The following XKR6 variants were observed in gnomAD, a reference collection of about 807,000 sequenced individuals.
XKR6 encodes XK related 6, also known as XK-related protein 6.
XKR6 carries 22 observed loss-of-function variants against 56.7 expected under a neutral mutation model. The ratio of observed to expected loss-of-function variants is 0.39; its 90% CI spans 0.28 to 0.55. The LOEUF is 0.55. Among genes scored for constraint, XKR6 ranks in the 20% least tolerant of loss-of-function variants. The probability of loss-of-function intolerance (pLI) is 0.66; values close to 1 mark genes in which losing one functional copy is unlikely to be tolerated. For missense variants in XKR6, 852 were observed against 889.0 expected (o/e 0.96, Z 0.53); for synonymous variants, 524 against 387.8 (o/e 1.35, Z -4.13).
intron 1 of XKR6, among the ~76,000 whole-genome samples, chr8:11,099,743 C>T (rs927602130): frequency 6.6e-6 from 1 of 152,312 alleles, no homozygotes; most frequent in African/African-American, 2.4e-5. Context: ...AAACAAAGCC[C>T]CTGCCCTCCC....
chr8:10,915,977 C>A (rs1379526840), intron 2 of XKR6, among the ~76,000 whole-genome samples: 1 of 152,238 alleles, frequency 6.6e-6, no homozygotes, highest in Non-Finnish European at 1.5e-5. Context: ...ACTGCAATGC[C>A]ATGAGCGCCC....
chr8:10,909,984 GCTGGGGGGAC>G (rs1800303909), intron 2 of XKR6, among the ~76,000 whole-genome samples: 2 of 151,684 alleles, frequency 1.3e-5, no homozygotes, highest in Admixed American at 1.3e-4. Context: ...ATCTCGGGGG[GCTGGGGGGAC>G]CTTTTTCAGT....
At chr8:11,096,417 AAAT>A (rs1798263675) in intron 1 of XKR6, among the ~76,000 whole-genome samples, 1 of 152,232 alleles carries the variant, frequency 6.6e-6, no homozygotes, top group African/African-American at 2.4e-5. Flanking sequence ...TTAATAATAA[AAAT>A]AATTTTACAG....
intron 1 of XKR6, among the ~76,000 whole-genome samples, chr8:10,951,288 T>C (rs1268226828): frequency 8.8e-6 from 1 of 113,268 alleles, no homozygotes; most frequent in Non-Finnish European, 1.7e-5. Context: ...TAGAAAAGTG[T>C]GTGTGTGTGT....
chr8:10,897,585 T>TA lies in XKR6; in HGVS notation c.*366dup, dbSNP rs1316179889. 5.8e-6 allele frequency: 1 copy of TA among 173,812 alleles called. No homozygotes were observed. Among genetic ancestry groups the TA allele is most frequent in the Non-Finnish European group, 1.2e-5 (1 of 82,164 alleles). 10.8% of individuals were successfully genotyped at this position (173,812 alleles called of 1,614,324 possible). A position where few individuals can be genotyped will look rare whatever the true frequency, so the allele number is the denominator to read the frequency against. On this transcript the variant is annotated 3_prime_UTR_variant, in exon 3 of 3. Transcript: ENST00000416569. ...TAAATGATCTACACTTGGTGTAAGG[T>TA]AAAAAACTTTTTTTTTTTCTTTTGG...
At chr8:11,039,394 G>C (rs1799227636) in intron 1 of XKR6, among the ~76,000 whole-genome samples, 1 of 152,244 alleles carries the variant, frequency 6.6e-6, no homozygotes, top group Non-Finnish European at 1.5e-5. Flanking sequence ...AGATGGGCCT[G>C]CAACAGCCAT....
intron 1 of XKR6, among the ~76,000 whole-genome samples, chr8:11,047,439 G>A (rs1338376554): frequency 6.6e-6 from 1 of 152,188 alleles, no homozygotes; most frequent in Non-Finnish European, 1.5e-5. Context: ...CCACTACTGT[G>A]TACATTTACT....
At chr8:10,932,269 G>A (rs1801072912) in intron 1 of XKR6, among the ~76,000 whole-genome samples, 2 of 152,188 alleles carry the variant, frequency 1.3e-5, no homozygotes, top group African/African-American at 4.8e-5. Context: ...GAATGCAAAT[G>A]CTTCTGACAC....
At chr8:11,068,157 G>C (rs1448702869) in intron 1 of XKR6, among the ~76,000 whole-genome samples, 1 of 152,324 alleles carries the variant, frequency 6.6e-6, no homozygotes, top group East Asian at 1.9e-4. Context: ...TGTGGCCCTA[G>C]AGTTGGAGAC....
chr8:11,132,563 T>C (rs1465651860), intron 1 of XKR6, among the ~76,000 whole-genome samples: 2 of 151,974 alleles, frequency 1.3e-5, no homozygotes, highest in African/African-American at 4.8e-5. Context: ...GGTTTCACTA[T>C]GTTGGCCAGG....
At chr8:11,160,917 A>G (rs1488889002) in intron 1 of XKR6, among the ~76,000 whole-genome samples, 2 of 150,898 alleles carry the variant, frequency 1.3e-5, no homozygotes, top group Admixed American at 6.6e-5. Flanking sequence ...GTCTCAAAAA[A>G]AAAAAAAAAA....
intron 1 of XKR6, among the ~76,000 whole-genome samples, chr8:11,183,481 T>G (rs1422312945): frequency 6.6e-6 from 1 of 151,578 alleles, no homozygotes; most frequent in Non-Finnish European, 1.5e-5. Flanking sequence ...CTGTCTAGTT[T>G]TTTTTTTTTT....
chr8:10,954,254 G>A (rs1431325325), intron 1 of XKR6, among the ~76,000 whole-genome samples: 1 of 152,202 alleles, frequency 6.6e-6, no homozygotes, highest in Non-Finnish European at 1.5e-5. Flanking sequence ...GTTTTTCATC[G>A]TGGCTGCACC....
intron 1 of XKR6, among the ~76,000 whole-genome samples, chr8:11,091,581 G>C (rs532511000): frequency 6.6e-6 from 1 of 152,264 alleles, no homozygotes; most frequent in East Asian, 1.9e-4. Context: ...GGGGTCCAAT[G>C]GTACCATTAA....
intron 1 of XKR6, among the ~76,000 whole-genome samples, chr8:11,135,225 T>C (rs569286967): frequency 6.6e-6 from 1 of 152,048 alleles, no homozygotes; most frequent in Admixed American, 6.6e-5. Flanking sequence ...GAGATGGGGT[T>C]TCACCATGTT....
rs1804128765 is a variant in XKR6 at position 11,200,198 on chromosome 8, G to A, written c.764+378C>T. Among the ~76,000 whole-genome samples the A allele has an allele frequency of 6.6e-6, 1 of 152,236 alleles. No homozygotes were observed. The highest frequency in any genetic ancestry group is 2.1e-4 in the South Asian group (1 of 4,836). On this transcript the variant is annotated intron_variant, in intron 1 of 2. Coordinates refer to ENST00000416569, the MANE Select transcript of XKR6 (RefSeq NM_173683.4). The surrounding 1 kb of genome is among the most constrained non-coding windows in gnomAD (Gnocchi z 6.4). ...ACCCGAATGCAGCGGCTGGAGGAGG[G>A]AAGGCTCCCCGGGGCCGCGAGCTGG...
chr8:11,185,385 T>C (rs936252032), intron 1 of XKR6, among the ~76,000 whole-genome samples: 12 of 152,250 alleles, frequency 7.9e-5, no homozygotes, highest in Admixed American at 1.3e-4. Flanking sequence ...CTTGTTTGTA[T>C]CAATTAGCCT....
At chr8:10,971,656 T>C (rs1460036913) in intron 1 of XKR6, among the ~76,000 whole-genome samples, 1 of 152,096 alleles carries the variant, frequency 6.6e-6, no homozygotes, top group Admixed American at 6.5e-5. Flanking sequence ...CGGTCCTAAC[T>C]ACCTTCACTT....
At chr8:11,165,090 CT>C (rs35783491) in intron 1 of XKR6, among the ~76,000 whole-genome samples, 2,555 of 82,286 alleles carry the variant, frequency 0.031, 6 homozygotes, top group African/African-American at 0.056. Context: ...AGGCTATCAC[CT>C]TTTTTTTTTT....
Sources: allele counts gnomAD v4.1 joint callset (sites outside exome capture counted in the v4.1 genomes callset), GRCh38; gene constraint gnomAD v4.1.1; non-coding constraint Gnocchi (gnomAD v3.1); transcripts MANE v1.5; gene names NCBI Gene and HGNC (gene_info 2026-07-23, HGNC 2026-07-21).